Variants in VTCN1 observed in about 807,000 individuals in gnomAD.
VTCN1 encodes V-set domain-containing T-cell activation inhibitor 1.
In VTCN1, 26 loss-of-function variants were observed where a neutral mutation model predicts 26.5. That is an observed-to-expected ratio of 0.98 (90% CI 0.72 to 1.36). VTCN1 has a LOEUF of 1.36. Among genes scored for constraint, VTCN1 ranks in the 40% most tolerant of loss-of-function variants. The pLI, the probability that VTCN1 is intolerant of heterozygous loss-of-function variation, is 0.00. For synonymous variants in VTCN1, 116 were observed against 130.7 expected (o/e 0.89, Z 0.77); for missense variants, 298 against 337.7 (o/e 0.88, Z 0.92).
intron 1 of VTCN1, among the ~76,000 whole-genome samples, chr1:117,182,839 A>G (rs936390473): frequency 6.6e-6 from 1 of 151,596 alleles, no homozygotes; most frequent in Non-Finnish European, 1.5e-5. Context: ...CCTGGTAGAG[A>G]CTCCCAACCT....
At chr1:117,178,588 G>GCTTT (rs374277042) in intron 1 of VTCN1, among the ~76,000 whole-genome samples, 1 of 88,274 alleles carries the variant, frequency 1.1e-5, no homozygotes, top group Non-Finnish European at 2.0e-5. Context: ...TCTTTCTTTC[G>GCTTT]TTTTTTTTTT....
intron 4 of VTCN1, among the ~76,000 whole-genome samples, chr1:117,150,152 C>G (rs906517331): frequency 6.6e-6 from 1 of 152,148 alleles, no homozygotes; most frequent in African/African-American, 2.4e-5. Context: ...TCTGGGAAGG[C>G]CTTTCATCAG....
intron 1 of VTCN1, among the ~76,000 whole-genome samples, chr1:117,192,949 A>T (rs572636414): frequency 2.6e-4 from 39 of 152,174 alleles, no homozygotes; most frequent in African/African-American, 3.4e-4. Flanking sequence ...GATTCAACCA[A>T]CTATGTATCA....
At chr1:117,181,480 T>C (rs1647668477) in intron 1 of VTCN1, among the ~76,000 whole-genome samples, 2 of 152,226 alleles carry the variant, frequency 1.3e-5, no homozygotes, top group Admixed American at 1.3e-4. Context: ...GACTGTTCAC[T>C]GCCCAGTTGC....
rs1557869535 is a variant in VTCN1 at position 117,175,771 on chromosome 1, CTCT to C, written c.33-5603_33-5601del. 1.0e-4 allele frequency among the ~76,000 whole-genome samples: 9 copies of C among 87,354 alleles called. No homozygotes were observed. Among genetic ancestry groups the C allele is most frequent in the Admixed American group, 1.3e-4 (1 of 7,852 alleles). The allele number at this position is 87,354 out of a possible 152,430, so 57.3% of individuals were successfully genotyped here. A position where few individuals can be genotyped will look rare whatever the true frequency, so the allele number is the denominator to read the frequency against. ...GAGATACCTATCTCTCTCTCTCTCT[CTCT>C]TTTTTTTTTTTTTTGAGATGGAGTT... is the stretch of plus-strand genomic sequence containing the variant. On this transcript the variant is annotated intron_variant, in intron 1 of 5. Transcript: ENST00000369458. The surrounding 1 kb of genome is among the most constrained non-coding windows in gnomAD (Gnocchi z 4.2).
chr1:117,170,393 C>A (rs541274940), intron 1 of VTCN1: 3 of 630,308 alleles, frequency 4.8e-6, no homozygotes, highest in African/African-American at 1.8e-5. Flanking sequence ...AAAGAGTGAC[C>A]CTTGCCTCTG....
intron 1 of VTCN1, among the ~76,000 whole-genome samples, chr1:117,199,909 C>A (rs767322253): frequency 6.6e-6 from 1 of 152,298 alleles, no homozygotes; most frequent in East Asian, 1.9e-4. Flanking sequence ...CCTAGGATTA[C>A]AGGTTTGAGC....
At chr1:117,160,362 T>C (rs1652301422) in intron 2 of VTCN1, among the ~76,000 whole-genome samples, 4 of 152,228 alleles carry the variant, frequency 2.6e-5, no homozygotes, top group Admixed American at 2.6e-4. Context: ...CTAACTGGAC[T>C]TATCAGCTTC....
At position 117,156,809 on chromosome 1, in the gene VTCN1, T is replaced by C; in HGVS notation, c.210A>G (p.Gln70=). ...PDIKLSDIVI[Q]WLKEGVLGLV... ...AGCCTAAAACACCTTCCTTCAGCCA[T>C]TGTATCACGATATCAGAAAGTTTGA... Residue 70 remains glutamine, a synonymous_variant, in exon 3 of 6, where the codon CAA becomes CAG. Transcript: ENST00000369458. 6.2e-7 allele frequency: 1 copy of C among 1,614,144 alleles called. No individual in the cohort carries two copies. The highest frequency in any genetic ancestry group is 8.5e-7 in the Non-Finnish European group (1 of 1,180,018).
At chr1:117,189,252 T>G (rs1222681636) in intron 1 of VTCN1, among the ~76,000 whole-genome samples, 1 of 152,208 alleles carries the variant, frequency 6.6e-6, no homozygotes, top group Non-Finnish European at 1.5e-5. Flanking sequence ...CCTACCCTGC[T>G]GCCTATTTTC....
At chr1:117,173,467 G>A (rs1234915837) in intron 1 of VTCN1, among the ~76,000 whole-genome samples, 1 of 152,134 alleles carries the variant, frequency 6.6e-6, no homozygotes, top group Non-Finnish European at 1.5e-5. Context: ...CAGAATCTGG[G>A]AGAGAGATGC....
At chr1:117,193,846 T>C (rs1648374043) in intron 1 of VTCN1, among the ~76,000 whole-genome samples, 1 of 152,134 alleles carries the variant, frequency 6.6e-6, no homozygotes, top group African/African-American at 2.4e-5. Context: ...TGGATCTTTA[T>C]CTTACACCAC....
rs1313343431 is a variant in VTCN1 at position 117,145,886 on chromosome 1, G to A, written c.*46-661C>T. On this transcript the variant is annotated intron_variant, in intron 5 of 5. Coordinates refer to ENST00000369458, the MANE Select transcript of VTCN1 (RefSeq NM_024626.4). This position sits in a 1 kb window ranked among gnomAD's most constrained non-coding sequence, Gnocchi z 4.6. ...TGGGCTCAAGCAGTCCTCCCATCTT[G>A]GCCTCTCAAAGTGCTGGGGTTACAG... Among the ~76,000 whole-genome samples, 2 of 152,066 alleles carry A rather than the reference G, an allele frequency of 1.3e-5. No homozygotes were observed. Among genetic ancestry groups the A allele is most frequent in the Non-Finnish European group, 2.9e-5 (2 of 68,024 alleles).
Position 117,167,009 on chromosome 1 carries a change from C to T in VTCN1, c.97+3098G>A, listed in dbSNP as rs1274015103. ...TCAGGAGACTGAGGCAGAAGAATAA[C>T]CTGAAGCTGGGAGGCAGAGGCTGCA... On this transcript the variant is annotated intron_variant, in intron 2 of 5. Coordinates refer to ENST00000369458, the MANE Select transcript of VTCN1 (RefSeq NM_024626.4). This position sits in a 1 kb window ranked among gnomAD's most constrained non-coding sequence, Gnocchi z 4.1. 2.6e-5 allele frequency among the ~76,000 whole-genome samples: 4 copies of T among 151,646 alleles called. No individual in the cohort carries two copies. Among genetic ancestry groups the T allele is most frequent in the Admixed American group, 1.3e-4 (2 of 15,224 alleles).
intron 1 of VTCN1, among the ~76,000 whole-genome samples, chr1:117,193,923 A>G (rs1648381072): frequency 6.6e-6 from 1 of 152,162 alleles, no homozygotes; most frequent in African/African-American, 2.4e-5. Context: ...CTACCAGAAG[A>G]AAATATAGGA....
intron 1 of VTCN1, among the ~76,000 whole-genome samples, chr1:117,200,582 A>G (rs962893400): frequency 1.3e-5 from 2 of 152,192 alleles, no homozygotes; most frequent in African/African-American, 2.4e-5. Context: ...ACCCAGATGT[A>G]GCCCGCCTAC....
At chr1:117,151,742 T>C (rs1204511463) in intron 4 of VTCN1, among the ~76,000 whole-genome samples, 1 of 152,084 alleles carries the variant, frequency 6.6e-6, no homozygotes, top group Non-Finnish European at 1.5e-5. Flanking sequence ...TCAGTAGTTC[T>C]TTTTTTTAAT....
At chr1:117,160,110 T>C (rs1652289924) in intron 2 of VTCN1, among the ~76,000 whole-genome samples, 1 of 152,160 alleles carries the variant, frequency 6.6e-6, no homozygotes, top group Non-Finnish European at 1.5e-5. Context: ...TAAGGGCAGA[T>C]GGCCTTGGAG....
intron 2 of VTCN1, among the ~76,000 whole-genome samples, chr1:117,162,119 G>T (rs1338473194): frequency 6.6e-6 from 1 of 152,086 alleles, no homozygotes; most frequent in Non-Finnish European, 1.5e-5. Context: ...TAATGATGTG[G>T]CAGATGGAAT....
Sources: gnomAD v4.1 joint callset for allele counts (sites outside exome capture counted in the v4.1 genomes callset) on GRCh38, gnomAD v4.1.1 for gene constraint, Gnocchi (gnomAD v3.1) non-coding constraint, MANE v1.5 for transcripts, NCBI Gene and HGNC (gene_info 2026-07-23, HGNC 2026-07-21) for gene names.